Variants in PCCA observed in about 807,000 individuals in gnomAD.
PCCA encodes the protein propionyl-CoA carboxylase subunit alpha, also known as propionyl-CoA carboxylase alpha chain, mitochondrial.
PCCA carries 74 observed loss-of-function variants against 101.3 expected under a neutral mutation model. The observed-to-expected ratio is 0.73, with a 90% confidence interval of 0.61 to 0.89. The LOEUF (loss-of-function observed/expected upper bound fraction) is 0.89. PCCA is among the 40% of genes least tolerant of loss of function. The pLI is 0.00. For missense variants in PCCA, 891 were observed against 907.0 expected (o/e 0.98, Z 0.23); for synonymous variants, 294 against 313.6 (o/e 0.94, Z 0.66).
At chr13:100,243,136 T>TCC (rs968829954) in intron 8 of PCCA, among the ~76,000 whole-genome samples, 4 of 152,172 alleles carry the variant, frequency 2.6e-5, no homozygotes, top group Non-Finnish European at 4.4e-5. Flanking sequence ...CCTCAAGTGC[T>TCC]CCCCCTGCCT....
intron 21 of PCCA, chr13:100,464,637 C>G (rs1158233091): frequency 1.3e-5 from 2 of 151,988 alleles, no homozygotes; most frequent in African/African-American, 4.8e-5. Flanking sequence ...GTGTTAATCC[C>G]CTGGTTATGA....
At chr13:100,188,319 C>CAAAACAAAACAA (rs2057465074) in intron 6 of PCCA, among the ~76,000 whole-genome samples, 1 of 146,528 alleles carries the variant, frequency 6.8e-6, no homozygotes, top group African/African-American at 2.5e-5. Context: ...CAAAACAAAA[C>CAAAACAAAACAA]AAAACAAAAA....
At chr13:100,175,089 G>A (rs963001682) in intron 6 of PCCA, among the ~76,000 whole-genome samples, 1 of 152,128 alleles carries the variant, frequency 6.6e-6, no homozygotes, top group African/African-American at 2.4e-5. Context: ...CCTTGCTTAT[G>A]TAAGTCAGAT....
At chr13:100,445,769 A>T (rs1372570656) in intron 20 of PCCA, among the ~76,000 whole-genome samples, 2 of 107,236 alleles carry the variant, frequency 1.9e-5, no homozygotes, top group Admixed American at 8.2e-5. Context: ...TCTAAATAAT[A>T]TTCCATTTTG....
At chr13:100,299,026 C>G (rs2065854124) in intron 12 of PCCA, among the ~76,000 whole-genome samples, 1 of 151,738 alleles carries the variant, frequency 6.6e-6, no homozygotes, top group Non-Finnish European at 1.5e-5. Context: ...TTTCTTTTAC[C>G]TGGAAAATTG....
At chr13:100,463,396 A>C (rs942075110) in intron 21 of PCCA, among the ~76,000 whole-genome samples, 1 of 139,662 alleles carries the variant, frequency 7.2e-6, no homozygotes, top group Admixed American at 7.6e-5. Flanking sequence ...AGAAGAGGGT[A>C]CATTTGAGAG....
intron 21 of PCCA, among the ~76,000 whole-genome samples, chr13:100,508,659 T>C (rs1035967440): frequency 1.3e-5 from 2 of 152,242 alleles, no homozygotes; most frequent in Non-Finnish European, 2.9e-5. Flanking sequence ...TTTCTTCTGT[T>C]AACACCAGCT....
chr13:100,347,787 T>C (rs1483925444), intron 18 of PCCA, among the ~76,000 whole-genome samples: 1 of 152,212 alleles, frequency 6.6e-6, no homozygotes, highest in Non-Finnish European at 1.5e-5. Flanking sequence ...AATTGCACAT[T>C]TATTTTCTAT....
intron 16 of PCCA, among the ~76,000 whole-genome samples, chr13:100,312,666 G>T (rs1451615041): frequency 6.6e-6 from 1 of 152,202 alleles, no homozygotes; most frequent in African/African-American, 2.4e-5. Flanking sequence ...TAGCCAAAAT[G>T]CTGACCAACC....
chr13:100,374,518 T>G (rs2075779844), intron 19 of PCCA, among the ~76,000 whole-genome samples: 3 of 152,228 alleles, frequency 2.0e-5, no homozygotes, highest in African/African-American at 7.2e-5. Context: ...GTCCATCCAC[T>G]CAGGAGAAAA....
chr13:100,443,856 A>C (rs893802079), intron 20 of PCCA, among the ~76,000 whole-genome samples: 1 of 152,146 alleles, frequency 6.6e-6, no homozygotes, highest in East Asian at 1.9e-4. Context: ...GCTGCTTAGC[A>C]CATCAGGCTC....
chr13:100,286,158 T>G (rs138744106), intron 12 of PCCA, among the ~76,000 whole-genome samples: 184 of 152,348 alleles, frequency 1.2e-3, no homozygotes, highest in African/African-American at 4.2e-3. Context: ...TAAGATGTTC[T>G]GTGAGTAAAC....
intron 6 of PCCA, among the ~76,000 whole-genome samples, chr13:100,168,821 A>G (rs1014718985): frequency 1.3e-5 from 2 of 152,154 alleles, no homozygotes; most frequent in Admixed American, 6.5e-5. Flanking sequence ...CTCATGGTCC[A>G]GTTTGATTCC....
chr13:100,228,667 G>A (rs2060291049), intron 7 of PCCA, among the ~76,000 whole-genome samples: 2 of 151,978 alleles, frequency 1.3e-5, no homozygotes. Context: ...GGAGGCTGAG[G>A]TGGGAGGATC....
At chr13:100,182,327 C>T (rs2056877678) in intron 6 of PCCA, among the ~76,000 whole-genome samples, 1 of 151,980 alleles carries the variant, frequency 6.6e-6, no homozygotes, top group Non-Finnish European at 1.5e-5. Flanking sequence ...AAACTCCTGA[C>T]CTCAGGTGAT....
At chr13:100,367,598 G>A (rs1353998009) in intron 18 of PCCA, among the ~76,000 whole-genome samples, 4 of 148,604 alleles carry the variant, frequency 2.7e-5, no homozygotes, top group Admixed American at 6.7e-5. Context: ...TTTAAATTTC[G>A]TGAATTTTTA....
intron 21 of PCCA, among the ~76,000 whole-genome samples, chr13:100,451,235 G>A (rs9518074): frequency 0.25 from 37,985 of 152,088 alleles, 5,277 homozygotes; most frequent in African/African-American, 0.36. Flanking sequence ...AAATATCTTC[G>A]ATGATACATC....
chr13:100,146,177 G>T (rs901677483), intron 4 of PCCA, among the ~76,000 whole-genome samples: 1 of 151,544 alleles, frequency 6.6e-6, no homozygotes, highest in African/African-American at 2.4e-5. Flanking sequence ...CTGGCCTCAA[G>T]CGATCTGCCT....
intron 19 of PCCA, among the ~76,000 whole-genome samples, chr13:100,393,253 A>G (rs1345517597): frequency 6.6e-6 from 1 of 152,150 alleles, no homozygotes; most frequent in Non-Finnish European, 1.5e-5. Flanking sequence ...ATAGACACTA[A>G]CACCACATTA....
Sources: allele counts gnomAD v4.1 joint callset (sites outside exome capture counted in the v4.1 genomes callset), GRCh38; gene constraint gnomAD v4.1.1; transcripts MANE v1.5; gene names NCBI Gene and HGNC (gene_info 2026-07-23, HGNC 2026-07-21).